Variants in CELF2 observed in about 807,000 individuals in gnomAD.
CELF2 encodes CUG triplet repeat RNA-binding protein 2.
Under a neutral mutation model 62.6 loss-of-function variants are expected in CELF2, and 8 were observed. That is an observed-to-expected ratio of 0.13 (90% CI 0.07 to 0.23). CELF2 has a LOEUF of 0.23. Among genes scored for constraint, CELF2 ranks in the 10% least tolerant of loss-of-function variants. CELF2 has a pLI of 1.00. For synonymous variants in CELF2, 258 were observed against 250.0 expected (o/e 1.03, Z -0.30); for missense variants, 333 against 671.0 (o/e 0.50, Z 5.56).
chr10:10,985,117 C>G (rs969022769), intron 2 of CELF2, among the ~76,000 whole-genome samples: 8 of 152,202 alleles, frequency 5.3e-5, no homozygotes, highest in Non-Finnish European at 1.5e-5. Context: ...ATAACATCTA[C>G]GAAGATGTTT....
At chr10:10,659,115 A>C in the CELF2 span, among the ~76,000 whole-genome samples, 1 of 152,164 alleles carries the variant, frequency 6.6e-6, no homozygotes, top group South Asian at 2.1e-4. Context: ...TGCTGTTCAA[A>C]TTGCTTTATT....
intron 2 of CELF2, among the ~76,000 whole-genome samples, chr10:11,195,595 T>C (rs2057254151): frequency 1.3e-5 from 2 of 152,136 alleles, no homozygotes; most frequent in African/African-American, 4.8e-5. Flanking sequence ...TGGCGTCTGA[T>C]TGGAATTAGA....
intron 2 of CELF2, among the ~76,000 whole-genome samples, chr10:10,925,682 A>G (rs971004027): frequency 6.6e-6 from 1 of 152,158 alleles, no homozygotes; most frequent in Non-Finnish European, 1.5e-5. Context: ...GCAGGACTGG[A>G]GCGAGTGGGT....
the CELF2 span, among the ~76,000 whole-genome samples, chr10:10,756,036 C>T: frequency 6.6e-6 from 1 of 152,122 alleles, no homozygotes; most frequent in African/African-American, 2.4e-5. Flanking sequence ...ACAATAATTT[C>T]ATAGACATAG....
chr10:11,315,153 C>T lies in CELF2; in HGVS notation c.1096+895C>T, dbSNP rs1231391818. On this transcript the variant is annotated intron_variant, in intron 10 of 12. Transcript: ENST00000633077. This position sits in a 1 kb window ranked among gnomAD's most constrained non-coding sequence, Gnocchi z 5.8. ...GGGTTCCTGTACTGAGGAAACTGAT[C>T]CTCAGCCCACAGCGGGGACATGTAA... Among the ~76,000 whole-genome samples the T allele has an allele frequency of 6.6e-6, 1 of 152,188 alleles. No individual in the cohort carries two copies. Among genetic ancestry groups the T allele is most frequent in the African/African-American group, 2.4e-5 (1 of 41,510 alleles).
At chr10:10,582,078 A>G in the CELF2 span, among the ~76,000 whole-genome samples, 1 of 152,172 alleles carries the variant, frequency 6.6e-6, no homozygotes, top group Non-Finnish European at 1.5e-5. Context: ...TAGCCGGAGC[A>G]AGATTTCCAA....
the CELF2 span, among the ~76,000 whole-genome samples, chr10:10,628,260 A>G: frequency 7.1e-6 from 1 of 139,892 alleles, no homozygotes; most frequent in Non-Finnish European, 1.6e-5. Context: ...GGCAAAGTCA[A>G]AAAAATGTTA....
intron 2 of CELF2, among the ~76,000 whole-genome samples, chr10:10,987,251 A>C (rs1254396745): frequency 1.5e-5 from 2 of 135,358 alleles, no homozygotes; most frequent in African/African-American, 7.3e-5. Context: ...AGCTCTCTAG[A>C]GATCTTTTTT....
At chr10:10,954,450 G>A (rs987979076) in intron 2 of CELF2, among the ~76,000 whole-genome samples, 2 of 152,026 alleles carry the variant, frequency 1.3e-5, no homozygotes, top group Non-Finnish European at 2.9e-5. Context: ...ATTTCACCAT[G>A]TTGGTCAGGC....
chr10:10,690,982 C>A, the CELF2 span, among the ~76,000 whole-genome samples: 2 of 151,462 alleles, frequency 1.3e-5, no homozygotes, highest in Non-Finnish European at 2.9e-5. Context: ...AAAGGGAAAT[C>A]GCCATATTCC....
At chr10:10,781,590 C>T in the CELF2 span, among the ~76,000 whole-genome samples, 5 of 152,148 alleles carry the variant, frequency 3.3e-5, no homozygotes, top group Non-Finnish European at 5.9e-5. Flanking sequence ...CAAGAAAAAC[C>T]TGCCTCCATG....
chr10:10,916,050 T>G (rs2064292370), intron 1 of CELF2, among the ~76,000 whole-genome samples: 1 of 152,210 alleles, frequency 6.6e-6, no homozygotes, highest in South Asian at 2.1e-4. Context: ...TCACCTCAGG[T>G]GGGTTATGAC....
chr10:10,900,203 G>C (rs1044749520), intron 1 of CELF2, among the ~76,000 whole-genome samples: 1 of 152,078 alleles, frequency 6.6e-6, no homozygotes, highest in African/African-American at 2.4e-5. Flanking sequence ...AAACTAAAAA[G>C]AGGGAATGCT....
At chr10:11,205,268 G>A (rs2060177060) in intron 2 of CELF2, among the ~76,000 whole-genome samples, 1 of 152,164 alleles carries the variant, frequency 6.6e-6, no homozygotes, top group African/African-American at 2.4e-5. Flanking sequence ...CAGCGGCAGC[G>A]CAGCCTGCGG....
intron 1 of CELF2, among the ~76,000 whole-genome samples, chr10:11,108,945 T>C: frequency 6.6e-6 from 1 of 152,244 alleles, no homozygotes; most frequent in East Asian, 1.9e-4. Context: ...CTGTTCACTG[T>C]TAGGTGTGGC....
chr10:11,057,090 G>A (rs1427685725), intron 1 of CELF2, among the ~76,000 whole-genome samples: 1 of 152,158 alleles, frequency 6.6e-6, no homozygotes, highest in East Asian at 1.9e-4. Flanking sequence ...GGAGGCCCTG[G>A]TACCATCTGT....
chr10:10,750,015 G>A, the CELF2 span, among the ~76,000 whole-genome samples: 12 of 152,270 alleles, frequency 7.9e-5, no homozygotes, highest in East Asian at 3.9e-4. Context: ...CGGGCGAGGC[G>A]GCTCACACCT....
At chr10:10,650,783 A>G in the CELF2 span, among the ~76,000 whole-genome samples, 1 of 152,232 alleles carries the variant, frequency 6.6e-6, no homozygotes, top group Non-Finnish European at 1.5e-5. Flanking sequence ...TCCTCAAAAT[A>G]TTTAACACAG....
intron 4 of CELF2, among the ~76,000 whole-genome samples, chr10:11,257,186 C>T (rs181292993): frequency 1.2e-3 from 186 of 152,192 alleles, no homozygotes; most frequent in Middle Eastern, 3.4e-3. Flanking sequence ...TCTAGATCAG[C>T]AGGGATGAAG....
Sources: gnomAD v4.1 joint callset for allele counts (sites outside exome capture counted in the v4.1 genomes callset) on GRCh38, gnomAD v4.1.1 for gene constraint, Gnocchi (gnomAD v3.1) non-coding constraint, MANE v1.5 for transcripts, NCBI Gene and HGNC (gene_info 2026-07-23, HGNC 2026-07-21) for gene names.